SPIRE1: variants seen among roughly 807,000 people sequenced by gnomAD.
The protein encoded by SPIRE1 is spire type actin nucleation factor 1, also known as protein spire homolog 1.
In SPIRE1, 40 loss-of-function variants were observed where a neutral mutation model predicts 94.1. The observed-to-expected ratio is 0.43, with a 90% CI of 0.33 to 0.55. The LOEUF is 0.55. Among genes scored for constraint, SPIRE1 ranks in the 20% least tolerant of loss-of-function variants. SPIRE1 has a pLI of 0.06. For synonymous variants in SPIRE1, 376 were observed against 371.7 expected (o/e 1.01, Z -0.13); for missense variants, 838 against 975.2 (o/e 0.86, Z 1.87).
chr18:12,657,625 C>T lies in SPIRE1; in HGVS notation c.242G>A (p.Arg81His), dbSNP rs2038589033. Reference protein sequence around the residue: ...AAARRRQPRHRVRSAAQIRVW... With the variant: ...AAARRRQPRHHVRSAAQIRVW... ...GCGGATCTGCGCGGCCGAGCGCACA[C>T]GGTGGCGGGGCTGGCGGCGGCGGGC... Residue 81 changes from arginine (R) to histidine (H), a missense_variant, in exon 1 of 17, where the codon CGT (arginine) becomes CAT (histidine). Transcript: ENST00000409402. 2.3e-6 allele frequency: 3 copies of T among 1,308,450 alleles called. No homozygotes were observed. Among genetic ancestry groups the T allele is most frequent in the South Asian group, 2.3e-5 (1 of 43,048 alleles). 81.1% of individuals were successfully genotyped at this position (1,308,450 alleles called of 1,614,324 possible). A position where few individuals can be genotyped will look rare whatever the true frequency, so the allele number is the denominator to read the frequency against.
At chr18:12,526,837 G>A (rs1031053598) in intron 4 of SPIRE1, among the ~76,000 whole-genome samples, 1 of 151,944 alleles carries the variant, frequency 6.6e-6, no homozygotes, top group Non-Finnish European at 1.5e-5. Context: ...AGCTTCTCGA[G>A]TAGCTGGGAT....
At chr18:12,472,805 G>A (rs1598905197) in intron 10 of SPIRE1, among the ~76,000 whole-genome samples, 1 of 151,588 alleles carries the variant, frequency 6.6e-6, no homozygotes, top group Non-Finnish European at 1.5e-5. Flanking sequence ...GACTACAGGT[G>A]TGCACCAAAT....
chr18:12,540,483 C>A (rs1051907054), intron 3 of SPIRE1, among the ~76,000 whole-genome samples: 15 of 152,154 alleles, frequency 9.9e-5, no homozygotes, highest in African/African-American at 3.4e-4. Flanking sequence ...TCAAGCGATT[C>A]TCCTGCCTCA....
intron 9 of SPIRE1, among the ~76,000 whole-genome samples, chr18:12,484,920 T>C (rs116245231): frequency 0.017 from 2,530 of 151,942 alleles, 50 homozygotes; most frequent in African/African-American, 0.047. Flanking sequence ...AATAAATAAA[T>C]AAAAGAAAAT....
At chr18:12,527,956 C>T (rs536616545) in intron 4 of SPIRE1, among the ~76,000 whole-genome samples, 2 of 151,490 alleles carry the variant, frequency 1.3e-5, no homozygotes, top group East Asian at 1.9e-4. Context: ...GTCCCAGCTA[C>T]TAGAGAGGCT....
rs1439206694 is a variant in SPIRE1 at position 12,593,172 on chromosome 18, TAA to T, written c.372+41888_372+41889del. Among the ~76,000 whole-genome samples, 9 of 152,368 alleles carry T rather than the reference TAA, an allele frequency of 5.9e-5. No individual in the cohort carries two copies. The South Asian group carries it at 1.5e-3, about 25-fold the overall frequency. ...TCAGAGTTGATGCCTAATTATTGCT[TAA>T]GAGAGGCTTAAAATATAAATTAAAA... On this transcript the variant is annotated intron_variant, in intron 2 of 16. Coordinates refer to ENST00000409402, the MANE Select transcript of SPIRE1 (RefSeq NM_001128626.2).
intron 12 of SPIRE1, among the ~76,000 whole-genome samples, chr18:12,456,786 T>G (rs962365146): frequency 6.6e-6 from 1 of 152,198 alleles, no homozygotes; most frequent in African/African-American, 2.4e-5. Context: ...AAAGCATATT[T>G]TCAACTCACT....
chr18:12,506,727 C>A, intron 5 of SPIRE1, 86 bp from the exon 6 acceptor site: 1 of 1,298,276 alleles, frequency 7.7e-7, no homozygotes, highest in Non-Finnish European at 1.1e-6. Flanking sequence ...AAATGAAGAG[C>A]TTGGATTACA....
rs1405049186 is a variant in SPIRE1, at chr18:12,595,612, T to A, written c.372+39450A>T. On this transcript the variant is annotated intron_variant, in intron 2 of 16. Coordinates refer to ENST00000409402, the MANE Select transcript of SPIRE1 (RefSeq NM_001128626.2). ...GCAGACATCTGAAGTTGTATCTGTG[T>A]TTTTTAAACAATTATCCAACTAACC... 2.0e-5 allele frequency among the ~76,000 whole-genome samples: 3 copies of A among 152,322 alleles called. No individual in the cohort carries two copies. The East Asian group carries it at 5.8e-4, about 29-fold the overall frequency.
At chr18:12,546,058 C>T (rs1386981992) in intron 3 of SPIRE1, among the ~76,000 whole-genome samples, 1 of 152,064 alleles carries the variant, frequency 6.6e-6, no homozygotes, top group Non-Finnish European at 1.5e-5. Context: ...GGCGTGATCT[C>T]AGCTCACTGC....
chr18:12,470,710 T>C (rs767002827), intron 10 of SPIRE1, among the ~76,000 whole-genome samples: 5 of 152,218 alleles, frequency 3.3e-5, no homozygotes, highest in African/African-American at 4.8e-5. Context: ...TCCAACTGCC[T>C]AATCACTTTT....
Position 12,546,749 on chromosome 18 carries a change from A to C in SPIRE1, c.528T>G (p.Ala176=). Residue 176 remains alanine, a synonymous_variant, in exon 3 of 17, where the codon GCT becomes GCG. Transcript: ENST00000409402. ...ADGSNDEGYE[A]AEEGLGDEDE... ...CTTCATCTCCCAGGCCTTCTTCTGCAGCCTCATAGCCCTCATCATTGCTAC... is the reference window on the plus strand; with the variant it reads ...CTTCATCTCCCAGGCCTTCTTCTGCCGCCTCATAGCCCTCATCATTGCTAC... The C allele has an allele frequency of 6.2e-7, 1 of 1,614,154 alleles. No homozygotes were observed. Among genetic ancestry groups the C allele is most frequent in the Non-Finnish European group, 8.5e-7 (1 of 1,180,026 alleles).
At chr18:12,591,086 A>G (rs2036521734) in intron 2 of SPIRE1, among the ~76,000 whole-genome samples, 1 of 152,262 alleles carries the variant, frequency 6.6e-6, no homozygotes, top group Non-Finnish European at 1.5e-5. Flanking sequence ...TATGAAAAAA[A>G]TAACATCAAA....
At chr18:12,457,331 ATTAT>A (rs2031556630) in intron 12 of SPIRE1, among the ~76,000 whole-genome samples, 1 of 152,228 alleles carries the variant, frequency 6.6e-6, no homozygotes, top group Non-Finnish European at 1.5e-5. Flanking sequence ...AATAGTTTTA[ATTAT>A]TTTTTTCAGT....
At chr18:12,555,763 A>G (rs1429850934) in intron 2 of SPIRE1, among the ~76,000 whole-genome samples, 1 of 152,246 alleles carries the variant, frequency 6.6e-6, no homozygotes, top group African/African-American at 2.4e-5. Flanking sequence ...CAGGAACACG[A>G]TAAGGATGCC....
Position 12,657,768 on chromosome 18 carries a change from G to T in SPIRE1, c.99C>A (p.Ala33=), listed in dbSNP as rs751955010. The T allele has an allele frequency of 1.6e-5, 22 of 1,334,796 alleles. No individual in the cohort carries two copies. The South Asian group carries it at 3.4e-4, about 21-fold the overall frequency. 82.7% of individuals were successfully genotyped at this position (1,334,796 alleles called of 1,614,324 possible). A position where few individuals can be genotyped will look rare whatever the true frequency, so the allele number is the denominator to read the frequency against. Residue 33 remains alanine, a synonymous_variant, in exon 1 of 17, where the codon GCC becomes GCA. Coordinates refer to ENST00000409402, the MANE Select transcript of SPIRE1 (RefSeq NM_001128626.2). ...GGCTCAGCGCGTCCCGGGAGCCCCCGGCCGCGCCGCCGGCTGCCCCGGGCT... is the reference window on the plus strand; with the variant it reads ...GGCTCAGCGCGTCCCGGGAGCCCCCTGCCGCGCCGCCGGCTGCCCCGGGCT... The part of the protein sequence containing the change: ...PREPGAAGGA[A]GGSRDALSLE...
chr18:12,451,503 G>A (rs1255807814), intron 16 of SPIRE1, among the ~76,000 whole-genome samples: 3 of 152,192 alleles, frequency 2.0e-5, no homozygotes, highest in Non-Finnish European at 4.4e-5. Flanking sequence ...TGTAGCAGCT[G>A]TTATGTGCAC....
At chr18:12,569,125 A>G (rs552291603) in intron 2 of SPIRE1, among the ~76,000 whole-genome samples, 1 of 152,230 alleles carries the variant, frequency 6.6e-6, no homozygotes, top group East Asian at 1.9e-4. Flanking sequence ...TGGATTACAA[A>G]GTCAGGAGAT....
intron 6 of SPIRE1, among the ~76,000 whole-genome samples, chr18:12,502,835 C>T (rs1481021406): frequency 6.6e-6 from 1 of 152,014 alleles, no homozygotes; most frequent in African/African-American, 2.4e-5. Context: ...GGGTGGGGTG[C>T]GGTGGCTCAT....
Sources: allele counts gnomAD v4.1 joint callset (sites outside exome capture counted in the v4.1 genomes callset), GRCh38; gene constraint gnomAD v4.1.1; transcripts MANE v1.5; gene names NCBI Gene and HGNC (gene_info 2026-07-23, HGNC 2026-07-21).